CADPS2: variants seen among roughly 807,000 people sequenced by gnomAD.
CADPS2 encodes the protein calcium-dependent secretion activator 2.
Under a neutral mutation model 172.5 loss-of-function variants are expected in CADPS2, and 93 were observed. That is an observed-to-expected ratio of 0.54 (90% CI 0.46 to 0.64). The LOEUF (loss-of-function observed/expected upper bound fraction) is 0.64. CADPS2 is among the 30% of genes least tolerant of loss of function. The pLI is 0.00. For synonymous variants in CADPS2, 546 were observed against 555.2 expected (o/e 0.98, Z 0.23); for missense variants, 1,420 against 1,565.9 (o/e 0.91, Z 1.57).
rs2078329070 is a variant in CADPS2 at position 122,645,448 on chromosome 7, CACATAT to C, written c.787-16126_787-16121del. Among the ~76,000 whole-genome samples, 2 of 86,802 alleles carry C rather than the reference CACATAT, an allele frequency of 2.3e-5. 1 individual carries two copies. The highest frequency in any genetic ancestry group is 2.4e-4 in the Admixed American group (2 of 8,252). 56.9% of individuals were successfully genotyped at this position (86,802 alleles called of 152,430 possible). On this transcript the variant is annotated intron_variant, in intron 3 of 29. Transcript: ENST00000449022. The stretch of plus-strand genomic sequence containing the variant: ...GTGTGTATATATGTATATATACACA[CACATAT>C]GTATATATGTGTATATATGTATATA...
chr7:122,647,634 TTAAGA>T (rs1333062904), intron 3 of CADPS2, among the ~76,000 whole-genome samples: 1 of 152,124 alleles, frequency 6.6e-6, no homozygotes, highest in South Asian at 2.1e-4. Context: ...CAAAGATAAT[TTAAGA>T]TATTTTGAAC....
intron 1 of CADPS2, among the ~76,000 whole-genome samples, chr7:122,863,253 TA>T (rs1206611886): frequency 5.9e-5 from 9 of 152,214 alleles, no homozygotes; most frequent in Admixed American, 2.0e-4. Context: ...ACTTGCTATA[TA>T]TTAAAATCAT....
chr7:122,687,847 GTTAAA>G (rs1168450780), intron 2 of CADPS2, among the ~76,000 whole-genome samples: 5 of 152,242 alleles, frequency 3.3e-5, no homozygotes, highest in African/African-American at 1.2e-4. Flanking sequence ...GTCATTGGTG[GTTAAA>G]TTATTTTGTT....
chr7:122,789,954 A>C (rs1794894305), intron 1 of CADPS2, among the ~76,000 whole-genome samples: 1 of 152,166 alleles, frequency 6.6e-6, no homozygotes, highest in Non-Finnish European at 1.5e-5. Flanking sequence ...CGAACTATAA[A>C]GACAGAGTAC....
intron 1 of CADPS2, among the ~76,000 whole-genome samples, chr7:122,843,837 G>T (rs936335694): frequency 1.2e-4 from 19 of 152,176 alleles, no homozygotes; most frequent in African/African-American, 4.3e-4. Flanking sequence ...GGCAGGCAAG[G>T]GTCAACAGGA....
chr7:122,672,299 T>C lies in CADPS2; in HGVS notation c.454-8730A>G, dbSNP rs531011707. Among the ~76,000 whole-genome samples, 9 of 152,296 alleles carry C rather than the reference T, an allele frequency of 5.9e-5. 1 individual carries two copies. The South Asian group carries it at 1.9e-3, about 32-fold the overall frequency. ...ATGTGGAAACTGGTTCCAGAGCTGG[T>C]CTCCAGGCGTCGGTGGTCACCCTCC... On this transcript the variant is annotated intron_variant, in intron 2 of 29. Transcript: ENST00000449022.
At chr7:122,599,938 G>T (rs1326430642) in intron 6 of CADPS2, among the ~76,000 whole-genome samples, 1 of 151,910 alleles carries the variant, frequency 6.6e-6, no homozygotes, top group African/African-American at 2.4e-5. Flanking sequence ...ATATTTTACT[G>T]TGAAATTCTT....
intron 2 of CADPS2, among the ~76,000 whole-genome samples, chr7:122,722,768 G>C (rs1051043698): frequency 1.7e-4 from 26 of 149,330 alleles, no homozygotes; most frequent in East Asian, 4.0e-4. Context: ...CATGCTACCT[G>C]ACTTCAAACT....
intron 1 of CADPS2, among the ~76,000 whole-genome samples, chr7:122,835,970 A>G (rs372108610): frequency 1.3e-5 from 2 of 152,308 alleles, no homozygotes; most frequent in Admixed American, 6.5e-5. Context: ...TCCAAGACAC[A>G]TAATTGTCAG....
intron 7 of CADPS2, among the ~76,000 whole-genome samples, chr7:122,575,595 C>T (rs2067925248): frequency 6.6e-6 from 1 of 151,906 alleles, no homozygotes; most frequent in Admixed American, 6.6e-5. Flanking sequence ...CACCACCACA[C>T]CCAGATAATT....
chr7:122,595,052 T>C (rs73433800), intron 6 of CADPS2, among the ~76,000 whole-genome samples: 8,435 of 151,972 alleles, frequency 0.056, 262 homozygotes, highest in South Asian at 0.1. Context: ...TTTACCAATA[T>C]GTTATGTTCA....
At chr7:122,753,802 C>A (rs2093047713) in intron 1 of CADPS2, among the ~76,000 whole-genome samples, 1 of 152,130 alleles carries the variant, frequency 6.6e-6, no homozygotes, top group Non-Finnish European at 1.5e-5. Flanking sequence ...GGGACATACA[C>A]ACTTACTCCC....
chr7:122,677,225 A>C (rs1386788270), intron 2 of CADPS2, among the ~76,000 whole-genome samples: 2 of 152,236 alleles, frequency 1.3e-5, no homozygotes, highest in Non-Finnish European at 2.9e-5. Flanking sequence ...TTCTGGTGCT[A>C]TAAGTTTGTA....
intron 7 of CADPS2, among the ~76,000 whole-genome samples, chr7:122,575,828 T>C (rs530080428): frequency 5.3e-5 from 8 of 152,312 alleles, no homozygotes; most frequent in African/African-American, 1.2e-4. Context: ...ATAAACACTA[T>C]AGACGTTTTA....
chr7:122,830,252 G>A (rs1288176975), intron 1 of CADPS2, among the ~76,000 whole-genome samples: 1 of 152,132 alleles, frequency 6.6e-6, no homozygotes, highest in Non-Finnish European at 1.5e-5. Flanking sequence ...CTGGCTGCAA[G>A]ATAAAAAGGC....
intron 8 of CADPS2, among the ~76,000 whole-genome samples, chr7:122,532,156 A>G (rs1241319154): frequency 2.0e-5 from 3 of 152,142 alleles, no homozygotes; most frequent in Non-Finnish European, 4.4e-5. Flanking sequence ...CAATTGGCTG[A>G]TTTTTCTACA....
At chr7:122,506,056 T>C (rs2059585446) in intron 9 of CADPS2, among the ~76,000 whole-genome samples, 1 of 152,148 alleles carries the variant, frequency 6.6e-6, no homozygotes, top group Non-Finnish European at 1.5e-5. Context: ...AGTTAAAATA[T>C]GCTGCTGAAA....
At chr7:122,757,346 G>A (rs1006671363) in intron 1 of CADPS2, among the ~76,000 whole-genome samples, 1 of 151,836 alleles carries the variant, frequency 6.6e-6, no homozygotes, top group South Asian at 2.1e-4. Flanking sequence ...ACGGGGTTTC[G>A]CCAAGTTGTC....
intron 13 of CADPS2, among the ~76,000 whole-genome samples, chr7:122,473,904 T>C (rs779194851): frequency 7.9e-5 from 12 of 152,188 alleles, no homozygotes; most frequent in Non-Finnish European, 1.3e-4. Context: ...TCCTTTGTTA[T>C]GTATAGCTCC....
Sources: allele counts gnomAD v4.1 joint callset (sites outside exome capture counted in the v4.1 genomes callset), GRCh38; gene constraint gnomAD v4.1.1; transcripts MANE v1.5; gene names NCBI Gene and HGNC (gene_info 2026-07-23, HGNC 2026-07-21).